Variants in NDUFV2 observed in about 807,000 individuals in gnomAD.
The protein encoded by NDUFV2 is NADH dehydrogenase [ubiquinone] flavoprotein 2, mitochondrial.
Under a neutral mutation model 31.6 loss-of-function variants are expected in NDUFV2, and 18 were observed. The observed-to-expected ratio is 0.57, with a 90% CI of 0.39 to 0.84. The LOEUF (loss-of-function observed/expected upper bound fraction) is 0.84, where lower values mean the gene tolerates loss of function less well. NDUFV2 is among the 40% of genes least tolerant of loss of function. The pLI, the probability that NDUFV2 is intolerant of heterozygous loss-of-function variation, is 0.00. For synonymous variants in NDUFV2, 83 were observed against 99.8 expected, an observed-to-expected ratio of 0.83 and a Z score of 1.01; for missense variants, 314 against 303.6, an observed-to-expected ratio of 1.03 and a Z score of -0.26.
chr18:9,117,904 G>T lies in NDUFV2; in HGVS notation c.120+1G>T. ...TGGAGCTGGAGGAGCTTTATTTGTG[G>T]TAAGTAATTACTTAGATTTCTTTGG... On this transcript the variant is annotated splice_donor_variant, in intron 2 of 7. Transcript: ENST00000318388. LOFTEE classifies it high-confidence loss of function. 6.3e-7 allele frequency: 1 copy of T among 1,581,604 alleles called. No homozygotes were observed. The highest frequency in any genetic ancestry group is 1.3e-5 in the African/African-American group (1 of 74,400).
At chr18:9,127,504 C>G (rs2078001215) in intron 7 of NDUFV2, among the ~76,000 whole-genome samples, 1 of 152,144 alleles carries the variant, frequency 6.6e-6, no homozygotes, top group South Asian at 2.1e-4. Context: ...CACTCCGTCA[C>G]CCAGTCTGGA....
At chr18:9,131,639 T>C (rs924935844) in intron 7 of NDUFV2, among the ~76,000 whole-genome samples, 3 of 152,210 alleles carry the variant, frequency 2.0e-5, no homozygotes, top group African/African-American at 7.2e-5. Flanking sequence ...AGCACTAAAC[T>C]TTTATAAAGT....
chr18:9,117,149 G>A lies in NDUFV2; in HGVS notation c.55-689G>A, dbSNP rs186879718. 6.3e-3 allele frequency among the ~76,000 whole-genome samples: 955 copies of A among 151,730 alleles called. 7 individuals are homozygous for A. Among genetic ancestry groups the A allele is most frequent in the Middle Eastern group, 0.017 (5 of 292 alleles). On this transcript the variant is annotated intron_variant, in intron 1 of 7. Transcript: ENST00000318388. The stretch of plus-strand genomic sequence containing the variant: ...CCTCCCAGGTTCAGGCGATTCTCCT[G>A]CCTAAGCCTCCCGAGTAGCTGGGAC...
rs770474514 is a variant in NDUFV2 at position 9,124,920 on chromosome 18, A to G, written c.516A>G (p.Ile172Met). 31 of 1,613,304 alleles carry G rather than the reference A, an allele frequency of 1.9e-5. No homozygotes were observed. Among genetic ancestry groups the G allele is most frequent in the Non-Finnish European group, 2.5e-5 (30 of 1,179,632 alleles). ...CACCTGACAAACTTTTCACTCTTAT[A>G]GAAGTGGAATGTTTAGGGGCCTGTG... Reference protein sequence around the residue: ...ETTPDKLFTLIEVECLGACVN... With the variant: ...ETTPDKLFTLMEVECLGACVN... The change falls in exon 6 of 8, where the codon ATA (isoleucine) becomes ATG (methionine). Residue 172 changes from isoleucine (I) to methionine (M), a missense_variant. Physicochemically the swap from Ile to Met is conservative, Grantham distance 10 (BLOSUM62 1). Coordinates refer to ENST00000318388, the MANE Select transcript of NDUFV2 (RefSeq NM_021074.5).
At chr18:9,108,438 C>T (rs1391407846) in intron 1 of NDUFV2, among the ~76,000 whole-genome samples, 2 of 152,106 alleles carry the variant, frequency 1.3e-5, no homozygotes, top group Non-Finnish European at 2.9e-5. Context: ...GCTGTGTGAG[C>T]TAGGGAAAGT....
At chr18:9,124,801 C>T (rs917738267) in intron 5 of NDUFV2, 73 bp from the exon 6 acceptor site, 9 of 1,218,786 alleles carry the variant, frequency 7.4e-6, no homozygotes, top group African/African-American at 1.6e-5. Flanking sequence ...TATAAAAATT[C>T]TTTTTTTTTT....
In NDUFV2 at chr18:9,117,885, TGGA is replaced by T; in HGVS notation, c.107_109del (p.Gly36del). The T allele has an allele frequency of 6.3e-7, 1 of 1,596,432 alleles. No homozygotes were observed. The highest frequency in any genetic ancestry group is 8.6e-7 in the Non-Finnish European group (1 of 1,164,164). On this transcript the variant is annotated inframe_deletion, in exon 2 of 8. Transcript: ENST00000318388. ...ATAAGACAGTTATGCAAAATGGAGCTGGAGGAGCTTTATTTGTGGTAAGTAATT... is the reference window on the plus strand; with the variant it reads ...ATAAGACAGTTATGCAAAATGGAGCTGGAGCTTTATTTGTGGTAAGTAATT...
chr18:9,112,778 C>G (rs2077878246), intron 1 of NDUFV2: 1 of 152,224 alleles, frequency 6.6e-6, no homozygotes, highest in South Asian at 2.1e-4. Context: ...GCCACTGTAC[C>G]CGGCCCTTCA....
intron 1 of NDUFV2, chr18:9,104,312 A>G (rs947736782): frequency 1.2e-6 from 2 of 1,603,966 alleles, no homozygotes; most frequent in East Asian, 2.2e-5. Context: ...ATTTGATTTT[A>G]GAGGCCGTCA....
At chr18:9,124,338 G>T (rs2077967974) in intron 5 of NDUFV2, among the ~76,000 whole-genome samples, 4 of 151,480 alleles carry the variant, frequency 2.6e-5, no homozygotes, top group Admixed American at 6.6e-5. Context: ...GCCCAGACTG[G>T]TCTCAAATTC....
chr18:9,124,796 A>G, intron 5 of NDUFV2, 78 bp from the exon 6 acceptor site: 2 of 1,308,202 alleles, frequency 1.5e-6, no homozygotes, highest in South Asian at 2.8e-5. Flanking sequence ...ACCTCTATAA[A>G]AATTCTTTTT....
At chr18:9,127,363 A>G (rs940917711) in intron 7 of NDUFV2, among the ~76,000 whole-genome samples, 1 of 152,206 alleles carries the variant, frequency 6.6e-6, no homozygotes, top group African/African-American at 2.4e-5. Flanking sequence ...TGTTTTTCTC[A>G]TATGACATAG....
intron 1 of NDUFV2, among the ~76,000 whole-genome samples, chr18:9,105,738 C>T (rs938395309): frequency 6.6e-6 from 1 of 152,166 alleles, no homozygotes; most frequent in Non-Finnish European, 1.5e-5. Flanking sequence ...GAATACTTAT[C>T]ATTTTCATAC....
chr18:9,119,508 G>T lies in NDUFV2; in HGVS notation c.218G>T (p.Gly73Val). The T allele has an allele frequency of 6.2e-7, 1 of 1,613,826 alleles. No homozygotes were observed. Among genetic ancestry groups the T allele is most frequent in the African/African-American group, 1.3e-5 (1 of 75,036 alleles). ...IEAIVKNYPE[G>V]HKAAAVLPVL... is the part of the protein sequence containing the mutation. ...GCAATTGTAAAAAACTATCCAGAAG[G>T]CCATAAAGCAGCAGCTGTTCTTCCA... is the stretch of plus-strand genomic sequence containing the variant. The change falls in exon 4 of 8, where the codon GGC (glycine) becomes GTC (valine). Residue 73 changes from glycine (G) to valine (V), a missense_variant. Physicochemically the swap from Gly to Val is moderately radical, Grantham distance 109 (BLOSUM62 -3). Coordinates refer to ENST00000318388, the MANE Select transcript of NDUFV2 (RefSeq NM_021074.5).
intron 6 of NDUFV2, 192 bp from the exon 7 acceptor site, chr18:9,126,639 A>G: frequency 1.8e-6 from 1 of 554,596 alleles, no homozygotes; most frequent in Non-Finnish European, 3.3e-6. Flanking sequence ...TTTCAGCCGT[A>G]GAAAGTAATT....
intron 1 of NDUFV2, among the ~76,000 whole-genome samples, chr18:9,107,996 C>T (rs2077850216): frequency 6.6e-6 from 1 of 152,162 alleles, no homozygotes; most frequent in Non-Finnish European, 1.5e-5. Flanking sequence ...ACCCCGGGTC[C>T]ACTGGATGGG....
intron 6 of NDUFV2, among the ~76,000 whole-genome samples, chr18:9,125,585 T>C (rs1361551445): frequency 6.6e-6 from 1 of 152,030 alleles, no homozygotes. Flanking sequence ...CCTGTAAGTT[T>C]CTAAAAATGT....
chr18:9,118,168 C>T (rs1473258539), intron 2 of NDUFV2, among the ~76,000 whole-genome samples: 1 of 152,154 alleles, frequency 6.6e-6, no homozygotes, highest in Non-Finnish European at 1.5e-5. Flanking sequence ...ACCTGATTCT[C>T]ATCACACTTT....
chr18:9,130,845 AAAAGACTG>A (rs1395833759), intron 7 of NDUFV2, among the ~76,000 whole-genome samples: 27 of 152,354 alleles, frequency 1.8e-4, no homozygotes, highest in African/African-American at 6.3e-4. Flanking sequence ...CAAAATTAGT[AAAAGACTG>A]ATGTCTATAT....
Sources: allele counts gnomAD v4.1 joint callset (sites outside exome capture counted in the v4.1 genomes callset), GRCh38; gene constraint gnomAD v4.1.1; transcripts MANE v1.5; gene names NCBI Gene and HGNC (gene_info 2026-07-23, HGNC 2026-07-21).